HEATR5A: variants seen among roughly 807,000 people sequenced by gnomAD.
HEATR5A encodes the protein HEAT repeat-containing protein 5A.
Under a neutral mutation model 218.8 loss-of-function variants are expected in HEATR5A, and 178 were observed. The ratio of observed to expected loss-of-function variants is 0.81; its 90% confidence interval spans 0.72 to 0.92. The LOEUF (loss-of-function observed/expected upper bound fraction) is 0.92, where lower values mean the gene tolerates loss of function less well. Among genes scored for constraint, HEATR5A ranks in the 40% least tolerant of loss-of-function variants. The pLI is 0.00. For synonymous variants in HEATR5A, 864 were observed against 871.6 expected (o/e 0.99, Z 0.15); for missense variants, 2,420 against 2,418.9 (o/e 1.00, Z -0.01).
At chr14:31,316,844 C>T (rs1357763321) in intron 26 of HEATR5A, among the ~76,000 whole-genome samples, 1 of 152,146 alleles carries the variant, frequency 6.6e-6, no homozygotes, top group Non-Finnish European at 1.5e-5. Flanking sequence ...CATACCACCA[C>T]ATCTGGCTAA....
rs188148087 is a variant in HEATR5A at position 31,304,997 on chromosome 14, G to A, written c.5147C>T (p.Thr1716Met). 1.2e-5 allele frequency: 19 copies of A among 1,613,802 alleles called. No individual in the cohort carries two copies. The highest frequency in any genetic ancestry group is 2.7e-5 in the African/African-American group (2 of 74,916). ...ATCTTCTAATAGTATCTGTGGCTTC[G>A]TAGCTTTTACTCCTGGGCTACCTGT... is the stretch of plus-strand genomic sequence containing the variant. ...KLTGSPGVKA[T>M]KPQILLEDGS... The change falls in exon 32 of 36, where the codon ACG (threonine) becomes ATG (methionine). Residue 1716 changes from threonine (T) to methionine (M), a missense_variant. Transcript: ENST00000543095.
intron 4 of HEATR5A, among the ~76,000 whole-genome samples, chr14:31,396,215 G>T (rs138120830): frequency 6.6e-6 from 1 of 152,208 alleles, no homozygotes; most frequent in East Asian, 1.9e-4. Flanking sequence ...TTTTAGTCAG[G>T]AGTGTTAGTG....
chr14:31,309,669 C>T (rs1437423870), intron 28 of HEATR5A, among the ~76,000 whole-genome samples: 1 of 151,892 alleles, frequency 6.6e-6, no homozygotes, highest in Non-Finnish European at 1.5e-5. Flanking sequence ...ACCCATTTAC[C>T]GACTTCCAAG....
intron 22 of HEATR5A, among the ~76,000 whole-genome samples, chr14:31,328,631 G>A (rs1179095466): frequency 1.3e-5 from 2 of 152,150 alleles, no homozygotes; most frequent in Non-Finnish European, 2.9e-5. Context: ...CATAATCCCA[G>A]CACTTTGGGA....
chr14:31,392,149 T>G (rs2030478487), intron 6 of HEATR5A, among the ~76,000 whole-genome samples: 1 of 152,222 alleles, frequency 6.6e-6, no homozygotes, highest in Non-Finnish European at 1.5e-5. Context: ...GTAAGTGATG[T>G]TACATCCTGT....
chr14:31,369,610 A>G (rs1387372908), intron 13 of HEATR5A, among the ~76,000 whole-genome samples: 6 of 104,048 alleles, frequency 5.8e-5, no homozygotes, highest in Non-Finnish European at 7.0e-5. Flanking sequence ...AACTGTCTCA[A>G]AAAAAAAAAA....
chr14:31,386,011 G>A (rs1015057020), intron 9 of HEATR5A, among the ~76,000 whole-genome samples: 3 of 152,176 alleles, frequency 2.0e-5, no homozygotes, highest in Admixed American at 2.0e-4. Context: ...ATATGCATGA[G>A]CCACTGTGCC....
At chr14:31,318,438 T>G (rs1037616910) in intron 25 of HEATR5A, 146 bp from the exon 26 acceptor site, 1 of 631,022 alleles carries the variant, frequency 1.6e-6, no homozygotes, top group Non-Finnish European at 2.8e-6. Context: ...TCTTCCCCTG[T>G]TTTTAGATAA....
chr14:31,296,184 G>C (rs1899183745), intron 33 of HEATR5A, 121 bp from the exon 34 acceptor site: 1 of 650,114 alleles, frequency 1.5e-6, no homozygotes, highest in East Asian at 2.9e-5. Context: ...AATGAACGCT[G>C]ACTAAGAACC....
At chr14:31,379,240 C>T (rs117708962) in intron 11 of HEATR5A, among the ~76,000 whole-genome samples, 2,202 of 144,520 alleles carry the variant, frequency 0.015, 148 homozygotes, top group Admixed American at 0.11. Context: ...AGCCACTGCG[C>T]CCGAACTATT....
chr14:31,419,869 C>T (rs1458354628), intron 1 of HEATR5A, among the ~76,000 whole-genome samples: 1 of 152,270 alleles, frequency 6.6e-6, no homozygotes, highest in Non-Finnish European at 1.5e-5. Context: ...GAAAAGCTTT[C>T]TTTCCTGGAG....
chr14:31,372,662 TA>T (rs1902080674), intron 12 of HEATR5A, among the ~76,000 whole-genome samples: 1 of 151,998 alleles, frequency 6.6e-6, no homozygotes, highest in Admixed American at 6.6e-5. Context: ...ACCCCATCTC[TA>T]CTAAAAATAC....
At position 31,380,455 on chromosome 14, in the gene HEATR5A, A is replaced by G. The variant is rs1246781968; in HGVS notation, c.1708+12T>C. 1.3e-6 allele frequency: 2 copies of G among 1,546,974 alleles called. No homozygotes were observed. The highest frequency in any genetic ancestry group is 1.2e-5 in the South Asian group (1 of 86,152). On this transcript the variant is annotated intron_variant, in intron 11 of 35. Transcript: ENST00000543095. ...GTATTTCAAGGTATGTAAACCTTCT[A>G]CAGACTGTTACCTAATGTCATCAGA...
intron 7 of HEATR5A, among the ~76,000 whole-genome samples, chr14:31,387,782 G>A (rs557238567): frequency 3.9e-5 from 6 of 152,206 alleles, no homozygotes; most frequent in South Asian, 2.1e-4. Context: ...GGATGGTCTC[G>A]ATCTCCTGAC....
rs569072683 is a variant in HEATR5A, at chr14:31,347,767, C to T, written c.2849G>A (p.Ser950Asn). ...ACCCACCTGCACATCAGGAGAAGTGCTGTCCTGCGCCAAAGTATAAAGGAT... is the reference window on the plus strand; with the variant it reads ...ACCCACCTGCACATCAGGAGAAGTGTTGTCCTGCGCCAAAGTATAAAGGAT... ...IGILYTLAQD[S>N]TSPDVQTWAL... The change falls in exon 19 of 36, where the codon AGC becomes AAC. Residue 950 changes from serine (S) to asparagine (N), a missense_variant. Physicochemically the swap from Ser to Asn is conservative, Grantham distance 46. Transcript: ENST00000543095. 1.9e-6 allele frequency: 3 copies of T among 1,603,046 alleles called. No individual in the cohort carries two copies. In the South Asian group the frequency reaches 3.4e-5, roughly 18 times the overall value.
intron 28 of HEATR5A, 148 bp from the exon 29 acceptor site, chr14:31,309,330 T>A (rs1338161148): frequency 1.4e-5 from 10 of 738,914 alleles, no homozygotes; most frequent in Non-Finnish European, 1.7e-5. Context: ...AGGCAACTAC[T>A]TTCTAGTTTT....
chr14:31,369,679 G>A (rs956716085), intron 13 of HEATR5A, among the ~76,000 whole-genome samples: 29 of 140,942 alleles, frequency 2.1e-4, no homozygotes, highest in Admixed American at 1.8e-3. Flanking sequence ...TGTAATCCCA[G>A]CAATTTGGGA....
chr14:31,417,298 G>C (rs757934501), intron 1 of HEATR5A, among the ~76,000 whole-genome samples: 8 of 152,076 alleles, frequency 5.3e-5, no homozygotes, highest in Non-Finnish European at 1.5e-5. Flanking sequence ...GGTGGCTCAA[G>C]CCTGTAATCT....
chr14:31,350,279 T>C (rs1160337818), intron 17 of HEATR5A, among the ~76,000 whole-genome samples: 1 of 152,174 alleles, frequency 6.6e-6, no homozygotes, highest in Admixed American at 6.5e-5. Context: ...ATGAAGTCTA[T>C]TATATTTTAC....
Sources: gnomAD v4.1 joint callset for allele counts (sites outside exome capture counted in the v4.1 genomes callset) on GRCh38, gnomAD v4.1.1 for gene constraint, MANE v1.5 for transcripts, NCBI Gene and HGNC (gene_info 2026-07-23, HGNC 2026-07-21) for gene names.